Variants in EFHD2 observed in about 807,000 individuals in gnomAD.
EFHD2 encodes EF-hand domain-containing protein D2.
EFHD2 carries 12 observed loss-of-function variants against 20.3 expected under a neutral mutation model. That is an observed-to-expected ratio of 0.59 (90% confidence interval 0.38 to 0.96). The LOEUF (loss-of-function observed/expected upper bound fraction) is 0.96. Ranked by LOEUF, EFHD2 falls within the 40% of genes least tolerant of loss-of-function variation. EFHD2 has a pLI of 0.00. For synonymous variants in EFHD2, 131 were observed against 143.9 expected (o/e 0.91, Z 0.64); for missense variants, 250 against 334.3 (o/e 0.75, Z 1.97).
At position 15,427,159 on chromosome 1, in the gene EFHD2, A is replaced by ATCT. The variant is rs769968674; in HGVS notation, c.469_471dup (p.Phe157dup). The ATCT allele has an allele frequency of 6.2e-7, 1 of 1,612,362 alleles. No individual in the cohort carries two copies. The highest frequency in any genetic ancestry group is 1.7e-5 in the Admixed American group (1 of 59,856). ...TCCCTCCCCGCTGCAGTTCCTCCTGATCTTCCGCAAGGCGGCGGCCGGGGA... is the reference window on the plus strand; with the variant it reads ...TCCCTCCCCGCTGCAGTTCCTCCTGATCTTCTTCCGCAAGGCGGCGGCCGGGGA... On this transcript the variant is annotated inframe_insertion, in exon 3 of 4. Transcript: ENST00000375980.
rs920353287 is a variant in EFHD2 at position 15,413,591 on chromosome 1, C to T, written c.308+3312C>T. Among the ~76,000 whole-genome samples the T allele has an allele frequency of 6.6e-6, 1 of 152,182 alleles. No homozygotes were observed. Among genetic ancestry groups the T allele is most frequent in the African/African-American group, 2.4e-5 (1 of 41,432 alleles). ...AAGATAGACAGACTGTCAGCCATCA[C>T]TGGTCTCACACCTAGAGTCATTCAG... is the stretch of plus-strand genomic sequence containing the variant. On this transcript the variant is annotated intron_variant, in intron 1 of 3. Coordinates refer to ENST00000375980, the MANE Select transcript of EFHD2 (RefSeq NM_024329.6). This position sits in a 1 kb window ranked among gnomAD's most constrained non-coding sequence, Gnocchi z 4.4.
At chr1:15,427,043 CCTT>C in intron 2 of EFHD2, 104 bp from the exon 3 acceptor site, 3 of 1,453,140 alleles carry the variant, frequency 2.1e-6, no homozygotes, top group South Asian at 1.4e-5. Context: ...GCCCCCCAGT[CCTT>C]CTCTGCAGGG....
chr1:15,419,878 CA>C (rs1233194025), intron 1 of EFHD2, among the ~76,000 whole-genome samples: 1 of 152,182 alleles, frequency 6.6e-6, no homozygotes, highest in Non-Finnish European at 1.5e-5. Context: ...CACTTTTCTC[CA>C]ACCCCGAGGG....
chr1:15,410,368 CG>C, intron 1 of EFHD2, 89 bp downstream of exon 1: 1 of 1,420,692 alleles, frequency 7.0e-7, no homozygotes, highest in Non-Finnish European at 9.3e-7. Flanking sequence ...CGCTCCGCCC[CG>C]GGAGCCTGCC....
chr1:15,414,592 C>T (rs1234243345), intron 1 of EFHD2, among the ~76,000 whole-genome samples: 1 of 152,230 alleles, frequency 6.6e-6, no homozygotes, highest in Non-Finnish European at 1.5e-5. Flanking sequence ...CCTCATAGGG[C>T]CCTGGCAGTG....
chr1:15,425,379 G>C (rs1707857224), intron 1 of EFHD2, among the ~76,000 whole-genome samples: 1 of 152,094 alleles, frequency 6.6e-6, no homozygotes, highest in African/African-American at 2.4e-5. Context: ...ACAAAAATTA[G>C]CTGGGTGTGG....
At chr1:15,418,375 G>A (rs529155125) in intron 1 of EFHD2, among the ~76,000 whole-genome samples, 1,762 of 137,204 alleles carry the variant, frequency 0.013, 45 homozygotes, top group African/African-American at 0.047. Flanking sequence ...GCGCGATCTC[G>A]GCTCACTGCA....
At position 15,429,298 on chromosome 1, in the gene EFHD2, T is replaced by C. The variant is rs1246436283; in HGVS notation, c.*574T>C. The C allele has an allele frequency of 6.5e-6, 1 of 154,664 alleles. No homozygotes were observed. The highest frequency in any genetic ancestry group is 1.4e-5 in the Non-Finnish European group (1 of 69,530). The allele number at this position is 154,664 out of a possible 1,614,324, so 9.6% of individuals were successfully genotyped here. On this transcript the variant is annotated 3_prime_UTR_variant, in exon 4 of 4. Transcript: ENST00000375980. Reference sequence around the variant, plus strand: ...CCTCTGCGTCTTCCATCTACTGAAATGGGAGAGGGGGTGGGGAGCTTCTGT... The same window carrying C: ...CCTCTGCGTCTTCCATCTACTGAAACGGGAGAGGGGGTGGGGAGCTTCTGT...
chr1:15,427,909 G>A, intron 3 of EFHD2: 1 of 469,836 alleles, frequency 2.1e-6, no homozygotes, highest in Non-Finnish European at 4.4e-6. Flanking sequence ...GGAACTGGGT[G>A]TGCCGCTGGG....
At chr1:15,411,796 G>T (rs1457483851) in intron 1 of EFHD2, among the ~76,000 whole-genome samples, 1 of 152,188 alleles carries the variant, frequency 6.6e-6, no homozygotes, top group Non-Finnish European at 1.5e-5. Context: ...GCAGACCAGG[G>T]GTGTCAGCCT....
At chr1:15,414,348 C>G (rs1184144180) in intron 1 of EFHD2, among the ~76,000 whole-genome samples, 1 of 152,254 alleles carries the variant, frequency 6.6e-6, no homozygotes, top group African/African-American at 2.4e-5. Flanking sequence ...TCCCAGGAGC[C>G]CTTCCTGGAC....
chr1:15,410,865 G>C (rs1707483512), intron 1 of EFHD2, among the ~76,000 whole-genome samples: 1 of 152,028 alleles, frequency 6.6e-6, no homozygotes, highest in Non-Finnish European at 1.5e-5. Context: ...CCTCAAGGTG[G>C]GTTCTGGGCA....
intron 2 of EFHD2, 116 bp from the exon 3 acceptor site, chr1:15,427,034 C>G: frequency 7.2e-7 from 1 of 1,385,638 alleles, no homozygotes; most frequent in Non-Finnish European, 9.7e-7. Context: ...CAGCTCACTG[C>G]CCCCCAGTCC....
At position 15,428,724 on chromosome 1, in the gene EFHD2, G is replaced by A. The variant is rs565410583; in HGVS notation, c.723G>A (p.Ter241=). Residue 241 remains the stop codon, a stop_retained_variant, in exon 4 of 4, where the codon TAG becomes TAA. Transcript: ENST00000375980. The stretch of plus-strand genomic sequence containing the variant: ...AGGAGCTGCAGTCCACCTTTAAGTA[G>A]CGGGGGCTGCAGCCGACCGCCCTGC... ...AFKELQSTFK[*] The A allele has an allele frequency of 1.3e-6, 2 of 1,580,252 alleles. No individual in the cohort carries two copies. The highest frequency in any genetic ancestry group is 3.6e-5 in the Admixed American group (2 of 55,036).
chr1:15,416,834 A>G (rs568858201), intron 1 of EFHD2, among the ~76,000 whole-genome samples: 42 of 152,144 alleles, frequency 2.8e-4, no homozygotes, highest in African/African-American at 9.9e-4. Flanking sequence ...TTTAAGAGAC[A>G]GAGTCTTGCT....
In EFHD2 at chr1:15,428,948, C is replaced by T; in HGVS notation, c.*224C>T. The T allele has an allele frequency of 1.7e-6, 1 of 591,450 alleles. No homozygotes were observed. Among genetic ancestry groups the T allele is most frequent in the Non-Finnish European group, 2.9e-6 (1 of 350,642 alleles). The allele number at this position is 591,450 out of a possible 1,614,324, so 36.6% of individuals were successfully genotyped here. A position where few individuals can be genotyped will look rare whatever the true frequency, so the allele number is the denominator to read the frequency against. ...CGCCACACCGGCGCTGGCTCCCTGC[C>T]CGGCCCGGCCCTCCCTGGCAATCCC... On this transcript the variant is annotated 3_prime_UTR_variant, in exon 4 of 4. Transcript: ENST00000375980.
At chr1:15,410,387 A>T in intron 1 of EFHD2, 108 bp downstream of exon 1, 1 of 1,346,032 alleles carries the variant, frequency 7.4e-7, no homozygotes, top group South Asian at 1.4e-5. Flanking sequence ...GCCGTCAGCC[A>T]AGCTTCCCCG....
rs1707874861 is a variant in EFHD2, at chr1:15,426,578, C to A, written c.456+560C>A. Among the ~76,000 whole-genome samples, 1 of 152,112 alleles carries A rather than the reference C, an allele frequency of 6.6e-6. No homozygotes were observed. Among genetic ancestry groups the A allele is most frequent in the Non-Finnish European group, 1.5e-5 (1 of 68,028 alleles). The stretch of plus-strand genomic sequence containing the variant: ...CAGGGTTAGGTGTGGGGACTCGAGG[C>A]CCAACTGGGGCCCAGGAGGTCTGGC... On this transcript the variant is annotated intron_variant, in intron 2 of 3. Transcript: ENST00000375980. This position sits in a 1 kb window ranked among gnomAD's most constrained non-coding sequence, Gnocchi z 4.6.
chr1:15,427,365 C>G, intron 3 of EFHD2, 81 bp downstream of exon 3: 1 of 1,519,168 alleles, frequency 6.6e-7, no homozygotes, highest in Non-Finnish European at 8.9e-7. Flanking sequence ...AGGTCCCCTT[C>G]CCGTCCCTGC....
Sources: gnomAD v4.1 joint callset for allele counts (sites outside exome capture counted in the v4.1 genomes callset) on GRCh38, gnomAD v4.1.1 for gene constraint, Gnocchi (gnomAD v3.1) non-coding constraint, MANE v1.5 for transcripts, NCBI Gene and HGNC (gene_info 2026-07-23, HGNC 2026-07-21) for gene names.